The following PCDHGB2 variants were observed in gnomAD, a reference collection of about 807,000 sequenced individuals.
The protein encoded by PCDHGB2 is protocadherin gamma-B2.
In PCDHGB2, 55 loss-of-function variants were observed where a neutral mutation model predicts 59.3. The observed-to-expected ratio is 0.93, with a 90% CI of 0.75 to 1.16. The LOEUF (loss-of-function observed/expected upper bound fraction) is 1.16. Ranked by LOEUF, PCDHGB2 falls within the 50% of genes most tolerant of loss-of-function variation. PCDHGB2 has a pLI of 0.00. For missense variants in PCDHGB2, 1,228 were observed against 1,198.5 expected, an observed-to-expected ratio of 1.02 and a Z score of -0.36; for synonymous variants, 516 against 512.0, an observed-to-expected ratio of 1.01 and a Z score of -0.11.
intron 1 of PCDHGB2, chr5:141,389,349 A>C: frequency 5.6e-6 from 9 of 1,613,980 alleles, no homozygotes; most frequent in Non-Finnish European, 7.6e-6. Flanking sequence ...CTCTTACTGC[A>C]TCATGGCCAG....
intron 1 of PCDHGB2, among the ~76,000 whole-genome samples, chr5:141,448,629 C>T (rs1188418541): frequency 6.6e-6 from 1 of 152,060 alleles, no homozygotes; most frequent in Non-Finnish European, 1.5e-5. Flanking sequence ...CCTTTCTTCA[C>T]ATTATATCCT....
chr5:141,362,036 A>G lies in PCDHGB2; in HGVS notation c.1901A>G (p.Asp634Gly). Residue 634 changes from aspartate to glycine, a missense_variant, in exon 1 of 4, where the codon GAC becomes GGC. Coordinates refer to ENST00000522605, the MANE Select transcript of PCDHGB2 (RefSeq NM_018923.3). ...GTGCGCACAGCGCGTGCCTTGGGCG[A>G]CAGGGACGCGGCCCGCCAGCGCCTG... ...GEVRTARALG[D>G]RDAARQRLLV... 6.2e-7 allele frequency: 1 copy of G among 1,609,914 alleles called. No individual in the cohort carries two copies. Among genetic ancestry groups the G allele is most frequent in the South Asian group, 1.1e-5 (1 of 90,970 alleles).
At position 141,406,382 on chromosome 5, in the gene PCDHGB2, G is replaced by A. The variant is rs189693155; in HGVS notation, c.2421+43826G>A. Reference sequence around the variant, plus strand: ...TTTGTAAGGGTAAACTGATAAAAAGGTAAATGTATTCTTCTTAGAGAAACA... The same window carrying A: ...TTTGTAAGGGTAAACTGATAAAAAGATAAATGTATTCTTCTTAGAGAAACA... On this transcript the variant is annotated intron_variant, in intron 1 of 3. Transcript: ENST00000522605. Among the ~76,000 whole-genome samples, 63 of 152,232 alleles carry A rather than the reference G, an allele frequency of 4.1e-4. 1 individual carries two copies. Among genetic ancestry groups the A allele is most frequent in the African/African-American group, 1.4e-3 (60 of 41,554 alleles).
chr5:141,510,813 C>T, intron 3 of PCDHGB2, 134 bp from the exon 4 acceptor site: 1 of 1,537,024 alleles, frequency 6.5e-7, no homozygotes, highest in South Asian at 1.2e-5. Flanking sequence ...CTTGGTGACC[C>T]CTATATTCCC....
chr5:141,491,291 C>A lies in PCDHGB2; in HGVS notation c.2422-3516C>A. The A allele has an allele frequency of 8.1e-6, 13 of 1,614,152 alleles. No individual in the cohort carries two copies. Among genetic ancestry groups the A allele is most frequent in the Non-Finnish European group, 1.1e-5 (13 of 1,179,974 alleles). On this transcript the variant is annotated intron_variant, in intron 1 of 3. Transcript: ENST00000522605. This position sits in a 1 kb window ranked among gnomAD's most constrained non-coding sequence, Gnocchi z 6.9. The stretch of plus-strand genomic sequence containing the variant: ...AAATCCAGTGACTTCCTCATACACC[C>A]TCCTGAGCGTTCAGACCTTACCCTT...
chr5:141,374,574 T>C, intron 1 of PCDHGB2: 1 of 1,613,746 alleles, frequency 6.2e-7, no homozygotes, highest in Non-Finnish European at 8.5e-7. Flanking sequence ...GATGTGGGAA[T>C]GAACTCCCTT....
At chr5:141,383,001 C>T (rs766067848) in intron 1 of PCDHGB2, 1 of 1,613,756 alleles carries the variant, frequency 6.2e-7, no homozygotes, top group South Asian at 1.1e-5. Flanking sequence ...TTCTCTACTC[C>T]GTGTCGGAGG....
rs375516156 is a variant in PCDHGB2 at position 141,510,311 on chromosome 5, C to G, written c.2570-636C>G. Among the ~76,000 whole-genome samples, 70 of 151,056 alleles carry G rather than the reference C, an allele frequency of 4.6e-4. No homozygotes were observed. The South Asian group carries it at 0.014, about 31-fold the overall frequency. On this transcript the variant is annotated intron_variant, in intron 3 of 3. Transcript: ENST00000522605. The stretch of plus-strand genomic sequence containing the variant: ...AAAAAATGCTGTTTTGAAATGGAGG[C>G]TTGGAAGAGCACTCTTCACCCCCAC...
chr5:141,490,990 C>A lies in PCDHGB2; in HGVS notation c.2422-3817C>A, dbSNP rs1230384508. On this transcript the variant is annotated intron_variant, in intron 1 of 3. Transcript: ENST00000522605. The surrounding 1 kb of genome is among the most constrained non-coding windows in gnomAD (Gnocchi z 5.4). ...CCCCCAGCGTCTCCCTCGCTCTGCTCCTCCTGGCTCCTTGGTCACCAAGGT... is the reference window on the plus strand; with the variant it reads ...CCCCCAGCGTCTCCCTCGCTCTGCTACTCCTGGCTCCTTGGTCACCAAGGT... The A allele has an allele frequency of 6.2e-7, 1 of 1,614,102 alleles. No homozygotes were observed. The highest frequency in any genetic ancestry group is 8.5e-7 in the Non-Finnish European group (1 of 1,180,022).
Position 141,366,210 on chromosome 5 carries a change from G to A in PCDHGB2, c.2421+3654G>A, listed in dbSNP as rs374658125. 81 of 1,613,800 alleles carry A rather than the reference G, an allele frequency of 5.0e-5. 1 individual carries two copies. The African/African-American group carries it at 9.2e-4, about 18-fold the overall frequency. On this transcript the variant is annotated intron_variant, in intron 1 of 3. Coordinates refer to ENST00000522605, the MANE Select transcript of PCDHGB2 (RefSeq NM_018923.3). The stretch of plus-strand genomic sequence containing the variant: ...GTTGGGCTGCACACGGGCGAGGTGC[G>A]CACAGCGCGAGCCCTGCTGGACAGA...
Position 141,399,953 on chromosome 5 carries a change from A to G in PCDHGB2, c.2421+37397A>G, listed in dbSNP as rs1257117587. ...TCCTACCACGTGCTGCAGGCTAGCGAGCCCGGGCTCTTCAGCCTGGGGCTG... is the reference window on the plus strand; with the variant it reads ...TCCTACCACGTGCTGCAGGCTAGCGGGCCCGGGCTCTTCAGCCTGGGGCTG... On this transcript the variant is annotated intron_variant, in intron 1 of 3. Coordinates refer to ENST00000522605, the MANE Select transcript of PCDHGB2 (RefSeq NM_018923.3). The G allele has an allele frequency of 2.5e-5, 40 of 1,612,030 alleles. 1 individual carries two copies. Among genetic ancestry groups the G allele is most frequent in the Non-Finnish European group, 3.4e-5 (40 of 1,179,690 alleles).
chr5:141,413,170 A>G, intron 1 of PCDHGB2: 1 of 1,595,602 alleles, frequency 6.3e-7, no homozygotes, highest in Non-Finnish European at 8.5e-7. Flanking sequence ...CTGTAACCAG[A>G]CTACAATGGC....
intron 1 of PCDHGB2, among the ~76,000 whole-genome samples, chr5:141,406,540 A>C (rs1180847016): frequency 6.6e-6 from 1 of 152,216 alleles, no homozygotes; most frequent in Non-Finnish European, 1.5e-5. Context: ...ACGAAGATTC[A>C]AACTTCAGTT....
intron 1 of PCDHGB2, among the ~76,000 whole-genome samples, chr5:141,373,448 A>G (rs1222167588): frequency 6.6e-6 from 1 of 152,218 alleles, no homozygotes; most frequent in Non-Finnish European, 1.5e-5. Flanking sequence ...CCTTGATCCC[A>G]GGAGGTAGCA....
intron 1 of PCDHGB2, among the ~76,000 whole-genome samples, chr5:141,438,611 TATATATATATATATATATATATATAC>T (rs1451681129): frequency 0.1 from 4,016 of 39,372 alleles, 166 homozygotes; most frequent in Middle Eastern, 0.18. Context: ...TATATATATA[TATATATATATATATATATATATATAC>T]ACACACACAC....
rs201409669 is a variant in PCDHGB2 at position 141,490,703 on chromosome 5, G to A, written c.2422-4104G>A. The stretch of plus-strand genomic sequence containing the variant: ...GATCCAGACACTGGGGATAATGCCC[G>A]CCTCACCTACTCCATTGTAGGAAAT... On this transcript the variant is annotated intron_variant, in intron 1 of 3. Coordinates refer to ENST00000522605, the MANE Select transcript of PCDHGB2 (RefSeq NM_018923.3). This position sits in a 1 kb window ranked among gnomAD's most constrained non-coding sequence, Gnocchi z 5.4. 2.6e-4 allele frequency: 421 copies of A among 1,614,106 alleles called. No homozygotes were observed. Among genetic ancestry groups the A allele is most frequent in the Middle Eastern group, 6.6e-4 (4 of 6,062 alleles).
intron 1 of PCDHGB2, chr5:141,378,729 T>C (rs769149282): frequency 1.1e-4 from 17 of 152,216 alleles, no homozygotes; most frequent in African/African-American, 3.4e-4. Flanking sequence ...GAACTCTTTA[T>C]TGAAATATTT....
At position 141,431,123 on chromosome 5, in the gene PCDHGB2, GAAGT is replaced by G. The variant is rs751548736; in HGVS notation, c.2422-63680_2422-63677del. The G allele has an allele frequency of 1.2e-6, 2 of 1,614,100 alleles. No individual in the cohort carries two copies. The highest frequency in any genetic ancestry group is 3.3e-5 in the Admixed American group (2 of 60,014). On this transcript the variant is annotated intron_variant, in intron 1 of 3. Transcript: ENST00000522605. This position sits in a 1 kb window ranked among gnomAD's most constrained non-coding sequence, Gnocchi z 4.8. ...AGTGAAAATATATGGAGTAGAAGTA[GAAGT>G]AAGGGACATTAACGACAATGCGCCT... is the stretch of plus-strand genomic sequence containing the variant.
Position 141,409,737 on chromosome 5 carries a change from G to C in PCDHGB2, c.2421+47181G>C, listed in dbSNP as rs199531162. The C allele has an allele frequency of 1.4e-3, 2,254 of 1,613,108 alleles. 2 individuals carry two copies. Among genetic ancestry groups the C allele is most frequent in the Non-Finnish European group, 1.8e-3 (2,079 of 1,179,866 alleles). On this transcript the variant is annotated intron_variant, in intron 1 of 3. Coordinates refer to ENST00000522605, the MANE Select transcript of PCDHGB2 (RefSeq NM_018923.3). ...TACGTGTCAGTGAGCGCGCAGAGCGGGGTGGTGTTCGCGCAGCGCGCCTTT... is the reference window on the plus strand; with the variant it reads ...TACGTGTCAGTGAGCGCGCAGAGCGCGGTGGTGTTCGCGCAGCGCGCCTTT...
Sources: gnomAD v4.1 joint callset for allele counts (sites outside exome capture counted in the v4.1 genomes callset) on GRCh38, gnomAD v4.1.1 for gene constraint, Gnocchi (gnomAD v3.1) non-coding constraint, MANE v1.5 for transcripts, NCBI Gene and HGNC (gene_info 2026-07-23, HGNC 2026-07-21) for gene names.